The following ZNF480 variants were observed in gnomAD, a reference collection of about 807,000 sequenced individuals.
The protein encoded by ZNF480 is zinc finger protein 480.
A neutral mutation model predicts 14.4 loss-of-function variants in ZNF480; 15 were observed. That is an observed-to-expected ratio of 1.04 (90% CI 0.70 to 1.60). ZNF480 has a LOEUF of 1.60. Ranked by LOEUF, ZNF480 falls within the 40% of genes most tolerant of loss-of-function variation. ZNF480 has a pLI of 0.00. For missense variants in ZNF480, 593 were observed against 629.7 expected (o/e 0.94, Z 0.62); for synonymous variants, 218 against 215.5 (o/e 1.01, Z -0.10).
intron 4 of ZNF480, among the ~76,000 whole-genome samples, chr19:52,317,002 C>G (rs1403163739): frequency 6.6e-6 from 1 of 152,118 alleles, no homozygotes; most frequent in Non-Finnish European, 1.5e-5. Context: ...AATAATGCTG[C>G]TATGAACATG....
chr19:52,311,004 C>CAAAAA (rs972255252), intron 2 of ZNF480, among the ~76,000 whole-genome samples: 3 of 59,884 alleles, frequency 5.0e-5, no homozygotes, highest in Non-Finnish European at 6.9e-5. Context: ...GATTCCGCCT[C>CAAAAA]AAAAAAAAAA....
At chr19:52,314,019 A>G (rs1173722186) in intron 2 of ZNF480, 134 bp from the exon 3 acceptor site, 1 of 1,009,518 alleles carries the variant, frequency 9.9e-7, no homozygotes, top group African/African-American at 1.7e-5. Context: ...ACATAACTAC[A>G]TCACAGATAC....
Position 52,323,677 on chromosome 19 carries a change from A to G in ZNF480, c.*819A>G, listed in dbSNP as rs563297128. 8.6e-4 allele frequency: 131 copies of G among 152,324 alleles called. No individual in the cohort carries two copies. Among genetic ancestry groups the G allele is most frequent in the Middle Eastern group, 3.4e-3 (1 of 294 alleles). 9.4% of individuals were successfully genotyped at this position (152,324 alleles called of 1,614,324 possible). A position where few individuals can be genotyped will look rare whatever the true frequency, so the allele number is the denominator to read the frequency against. On this transcript the variant is annotated 3_prime_UTR_variant, in exon 5 of 5. Transcript: ENST00000595962. ...AATCAATAAATGTGATTTATCACAT[A>G]CACAGAACTAAAAACAAAAACCACA...
chr19:52,299,977 T>C (rs1982607089), intron 1 of ZNF480, among the ~76,000 whole-genome samples: 1 of 152,258 alleles, frequency 6.6e-6, no homozygotes, highest in African/African-American at 2.4e-5. Flanking sequence ...ATCTTCCCCA[T>C]GGATACGGGG....
At chr19:52,320,556 G>T (rs1413874003) in intron 4 of ZNF480, among the ~76,000 whole-genome samples, 1 of 152,166 alleles carries the variant, frequency 6.6e-6, no homozygotes, top group Non-Finnish European at 1.5e-5. Context: ...AGCACTTTCG[G>T]AGGCTGAGGT....
intron 4 of ZNF480, among the ~76,000 whole-genome samples, chr19:52,319,694 C>T (rs1983714830): frequency 6.6e-6 from 1 of 151,892 alleles, no homozygotes; most frequent in Non-Finnish European, 1.5e-5. Flanking sequence ...CTGTCTTCTC[C>T]TTGTGAACCT....
At chr19:52,300,294 C>A in intron 1 of ZNF480, 100 bp from the exon 2 acceptor site, 1 of 1,265,266 alleles carries the variant, frequency 7.9e-7, no homozygotes, top group Non-Finnish European at 1.1e-6. Context: ...CAGCAGAGGA[C>A]ATCTTTCCGC....
At position 52,322,498 on chromosome 19, in the gene ZNF480, A is replaced by C. The variant is rs772139961; in HGVS notation, c.1248A>C (p.Arg416=). The part of the protein sequence containing the change: ...KVFNQLSNLA[R]HRRIHTGEKP... The stretch of plus-strand genomic sequence containing the variant: ...TTAATCAACTTTCAAATCTTGCACG[A>C]CATCGAAGAATTCATACTGGAGAGA... Residue 416 remains arginine, a synonymous_variant, in exon 5 of 5, where the codon CGA becomes CGC. Coordinates refer to ENST00000595962, the MANE Select transcript of ZNF480 (RefSeq NM_144684.4). The C allele has an allele frequency of 1.4e-5, 22 of 1,614,054 alleles. No individual in the cohort carries two copies. The highest frequency in any genetic ancestry group is 1.9e-5 in the Non-Finnish European group (22 of 1,179,946).
chr19:52,316,178 T>TTC (rs200101900), intron 4 of ZNF480, among the ~76,000 whole-genome samples: 2 of 146,492 alleles, frequency 1.4e-5, no homozygotes, highest in African/African-American at 5.1e-5. Context: ...AGATCTTTCT[T>TTC]TCTCTCTCTC....
intron 1 of ZNF480, among the ~76,000 whole-genome samples, chr19:52,300,113 AG>A (rs1401578577): frequency 1.3e-5 from 2 of 152,252 alleles, no homozygotes; most frequent in African/African-American, 4.8e-5. Context: ...GGGTTTGGTC[AG>A]GGCTGGGTCT....
intron 2 of ZNF480, chr19:52,301,646 T>G (rs1202081238): frequency 6.6e-6 from 1 of 152,190 alleles, no homozygotes; most frequent in East Asian, 1.9e-4. Context: ...TTCTGCCAAT[T>G]ATTTACGTAG....
chr19:52,298,415 G>C (rs749923421), intron 1 of ZNF480, among the ~76,000 whole-genome samples: 6 of 152,074 alleles, frequency 3.9e-5, no homozygotes, highest in South Asian at 2.1e-4. Flanking sequence ...GGTGGATCAC[G>C]TGAGGTCAGG....
chr19:52,318,627 A>G (rs933671029), intron 4 of ZNF480, among the ~76,000 whole-genome samples: 1 of 152,090 alleles, frequency 6.6e-6, no homozygotes, highest in Non-Finnish European at 1.5e-5. Context: ...CTTTTTACCT[A>G]TGGTTTTTTC....
Position 52,315,738 on chromosome 19 carries a change from T to G in ZNF480, c.200-96T>G, listed in dbSNP as rs1983518231. 2.8e-6 allele frequency: 4 copies of G among 1,405,692 alleles called. No homozygotes were observed. The Admixed American group carries it at 8.6e-5, about 30-fold the overall frequency. The allele number at this position is 1,405,692 out of a possible 1,614,324, so 87.1% of individuals were successfully genotyped here. A position where few individuals can be genotyped will look rare whatever the true frequency, so the allele number is the denominator to read the frequency against. On this transcript the variant is annotated intron_variant, in intron 3 of 4. Transcript: ENST00000595962. Reference sequence around the variant, plus strand: ...TATGGATGAATTTGTGAAATATTATTCTTGATTCATTTGTGATATCCTGTC... The same window carrying G: ...TATGGATGAATTTGTGAAATATTATGCTTGATTCATTTGTGATATCCTGTC...
At chr19:52,299,578 G>T (rs182548262) in intron 1 of ZNF480, among the ~76,000 whole-genome samples, 68 of 152,320 alleles carry the variant, frequency 4.5e-4, no homozygotes, top group African/African-American at 1.6e-3. Context: ...ATTTTGCTTA[G>T]TTTTACCCAT....
intron 3 of ZNF480, among the ~76,000 whole-genome samples, chr19:52,315,277 A>G (rs1983495359): frequency 6.7e-6 from 1 of 150,270 alleles, no homozygotes. Context: ...AACTTTTCAG[A>G]TACCCACTTC....
At position 52,314,153 on chromosome 19, in the gene ZNF480, G is replaced by T; in HGVS notation, c.73G>T (p.Gly25Ter). The change falls in exon 3 of 5, where the codon GGA becomes TGA. Residue 25 changes from glycine (G) to a stop codon, truncating the protein, a stop_gained and splice_region_variant. Coordinates refer to ENST00000595962, the MANE Select transcript of ZNF480 (RefSeq NM_144684.4). LOFTEE classifies it high-confidence loss of function. ...AKESGMALPQGHLTFRDVAIE... is the reference protein window; with the variant it reads ...AKESGMALPQ ...TGGTGAAATGTGGTTTTCATTTTAG[G>T]GACACTTAACATTCAGGGACGTGGC... 6.4e-7 allele frequency: 1 copy of T among 1,561,604 alleles called. No individual in the cohort carries two copies. Among genetic ancestry groups the T allele is most frequent in the East Asian group, 2.4e-5 (1 of 41,782 alleles).
chr19:52,315,848 G>A lies in ZNF480; in HGVS notation c.214G>A (p.Asp72Asn). The A allele has an allele frequency of 6.2e-7, 1 of 1,610,686 alleles. No individual in the cohort carries two copies. The highest frequency in any genetic ancestry group is 8.5e-7 in the Non-Finnish European group (1 of 1,178,138). ...TTTACAAACAGGAATCTCTCTTCCT[G>A]ACCTGAATATTAACTCCATGTTGGA... ...NLVSLGISLP[D>N]LNINSMLEQR... The change falls in exon 4 of 5, where the codon GAC (aspartate) becomes AAC (asparagine). Residue 72 changes from aspartate (D) to asparagine (N), a missense_variant. Coordinates refer to ENST00000595962, the MANE Select transcript of ZNF480 (RefSeq NM_144684.4).
chr19:52,306,285 A>G (rs752255036), intron 2 of ZNF480, among the ~76,000 whole-genome samples: 5 of 152,178 alleles, frequency 3.3e-5, no homozygotes, highest in African/African-American at 7.2e-5. Flanking sequence ...AAATCTGCAT[A>G]CAGTTCTTTC....
Sources: gnomAD v4.1 joint callset for allele counts (sites outside exome capture counted in the v4.1 genomes callset) on GRCh38, gnomAD v4.1.1 for gene constraint, MANE v1.5 for transcripts, NCBI Gene and HGNC (gene_info 2026-07-23, HGNC 2026-07-21) for gene names.